Variants in GRIK4 observed in about 807,000 individuals in gnomAD.
GRIK4 encodes the protein glutamate ionotropic receptor kainate type subunit 4.
A neutral mutation model predicts 104.9 loss-of-function variants in GRIK4; 40 were observed. That is an observed-to-expected ratio of 0.38 (90% CI 0.30 to 0.50). GRIK4 has a LOEUF of 0.50. GRIK4 is among the 20% of genes least tolerant of loss of function. GRIK4 has a pLI of 0.93. For synonymous variants in GRIK4, 485 were observed against 524.9 expected, an observed-to-expected ratio of 0.92 and a Z score of 1.04; for missense variants, 1,047 against 1,308.1, an observed-to-expected ratio of 0.80 and a Z score of 3.08.
chr11:120,658,513 G>T (rs1949750167), intron 2 of GRIK4, among the ~76,000 whole-genome samples: 2 of 152,112 alleles, frequency 1.3e-5, no homozygotes, highest in East Asian at 3.9e-4. Context: ...GTTCCAATTT[G>T]TCCACATCCT....
chr11:120,794,525 C>T (rs139709585), intron 3 of GRIK4, among the ~76,000 whole-genome samples: 18 of 151,934 alleles, frequency 1.2e-4, no homozygotes, highest in Admixed American at 3.9e-4. Context: ...AGGTTTGTCC[C>T]GAATCCAGTT....
intron 1 of GRIK4, among the ~76,000 whole-genome samples, chr11:120,546,906 T>C (rs1204021420): frequency 6.6e-6 from 1 of 152,200 alleles, no homozygotes; most frequent in Non-Finnish European, 1.5e-5. Flanking sequence ...ACGGCTTTGC[T>C]TCCTCTCTAA....
intron 13 of GRIK4, among the ~76,000 whole-genome samples, chr11:120,937,658 G>C (rs1045550161): frequency 6.6e-6 from 1 of 152,174 alleles, no homozygotes; most frequent in African/African-American, 2.4e-5. Flanking sequence ...CTGTTTGTAG[G>C]GAAGTGTCAG....
At chr11:120,760,115 C>G (rs1378159858) in intron 3 of GRIK4, among the ~76,000 whole-genome samples, 2 of 151,834 alleles carry the variant, frequency 1.3e-5, no homozygotes, top group East Asian at 3.9e-4. Flanking sequence ...ATTTTGTATT[C>G]TTAGACTTAT....
chr11:120,917,660 C>T (rs1313686243), intron 13 of GRIK4, among the ~76,000 whole-genome samples: 1 of 152,210 alleles, frequency 6.6e-6, no homozygotes, highest in Non-Finnish European at 1.5e-5. Flanking sequence ...TTTCCCCGCC[C>T]ATCCTCAGAT....
chr11:120,536,988 G>T (rs1274138018), intron 1 of GRIK4, among the ~76,000 whole-genome samples: 2 of 152,236 alleles, frequency 1.3e-5, no homozygotes. Context: ...GTGAGCATGT[G>T]CTCTGGGTGC....
At chr11:120,631,539 A>G (rs991006598) in intron 1 of GRIK4, among the ~76,000 whole-genome samples, 10 of 152,146 alleles carry the variant, frequency 6.6e-5, no homozygotes, top group Non-Finnish European at 1.3e-4. Context: ...TAAACTCAGC[A>G]GCGTCCCCCT....
intron 19 of GRIK4, among the ~76,000 whole-genome samples, chr11:120,979,317 A>G (rs183379550): frequency 1.3e-5 from 2 of 152,332 alleles, no homozygotes; most frequent in East Asian, 3.9e-4. Context: ...TAACTTTGCA[A>G]CATTCTTTTG....
chr11:120,868,152 T>G (rs544616607), intron 9 of GRIK4: 1 of 152,158 alleles, frequency 6.6e-6, no homozygotes, highest in African/African-American at 2.4e-5. Context: ...GATATTCTTA[T>G]TTTCATGTCA....
rs1390336483 is a variant in GRIK4, at chr11:120,875,137, A to G, written c.1060-2A>G. 1 of 1,586,088 alleles carries G rather than the reference A, an allele frequency of 6.3e-7. No homozygotes were observed. Among genetic ancestry groups the G allele is most frequent in the Admixed American group, 1.7e-5 (1 of 59,960 alleles). ...TGCTGTAACTCACTCTCTCTTGGAC[A>G]GGTAGAATTGGAAGGTCTTACCGGC... is the stretch of plus-strand genomic sequence containing the variant. On this transcript the variant is annotated splice_acceptor_variant, in intron 10 of 20. Coordinates refer to ENST00000527524, the MANE Select transcript of GRIK4 (RefSeq NM_014619.5). LOFTEE classifies it high-confidence loss of function.
At chr11:120,568,277 T>A (rs1948355726) in intron 1 of GRIK4, among the ~76,000 whole-genome samples, 1 of 152,218 alleles carries the variant, frequency 6.6e-6, no homozygotes, top group Non-Finnish European at 1.5e-5. Context: ...ATAAGACAGT[T>A]TCTCCTGGTA....
At chr11:120,786,130 C>G (rs1230069507) in intron 3 of GRIK4, among the ~76,000 whole-genome samples, 1 of 152,182 alleles carries the variant, frequency 6.6e-6, no homozygotes, top group African/African-American at 2.4e-5. Context: ...CTGGCCCCAT[C>G]ATCATCAGTG....
intron 3 of GRIK4, among the ~76,000 whole-genome samples, chr11:120,787,217 G>A (rs1952297778): frequency 6.6e-6 from 1 of 151,650 alleles, no homozygotes; most frequent in African/African-American, 2.4e-5. Flanking sequence ...TGTGGTCCCA[G>A]CTATTCACGG....
intron 20 of GRIK4, among the ~76,000 whole-genome samples, chr11:120,983,691 C>T (rs190649611): frequency 1.3e-5 from 2 of 152,258 alleles, no homozygotes; most frequent in East Asian, 3.9e-4. Context: ...CTCATTTCTC[C>T]TGCTGTCTCC....
intron 10 of GRIK4, among the ~76,000 whole-genome samples, chr11:120,874,733 T>C (rs887068270): frequency 1.3e-5 from 2 of 152,170 alleles, no homozygotes; most frequent in African/African-American, 2.4e-5. Context: ...GTCTTGGACT[T>C]TGCATTTAGA....
In GRIK4 at chr11:120,960,884, G is replaced by T. The variant is rs772886816; in HGVS notation, c.1875-25G>T. The T allele has an allele frequency of 2.5e-6, 4 of 1,602,840 alleles. No homozygotes were observed. The East Asian group carries it at 9.0e-5, about 36-fold the overall frequency. On this transcript the variant is annotated intron_variant, in intron 16 of 20. Coordinates refer to ENST00000527524, the MANE Select transcript of GRIK4 (RefSeq NM_014619.5). ...CTCCAGGGAGTGCCCGGGCAATGATGACTTCCTCGTCTTTTCCTACATAGG... is the reference window on the plus strand; with the variant it reads ...CTCCAGGGAGTGCCCGGGCAATGATTACTTCCTCGTCTTTTCCTACATAGG...
In GRIK4 at chr11:120,831,924, A is replaced by G. The variant is rs748952173; in HGVS notation, c.584A>G (p.Asp195Gly). 25 of 1,613,736 alleles carry G rather than the reference A, an allele frequency of 1.5e-5. No homozygotes were observed. The highest frequency in any genetic ancestry group is 1.6e-4 in the Middle Eastern group (1 of 6,070). ...SKDTLSVRML[D>G]DTRDPTPLLK... ...GACACGCTGTCCGTCCGCATGCTGG[A>G]TGACACCCGGGACCCCACCCCGCTC... The change falls in exon 7 of 21, where the codon GAT becomes GGT. Residue 195 changes from aspartate (D) to glycine (G), a missense_variant. By Grantham distance (94) the Asp-to-Gly change is moderately conservative. Coordinates refer to ENST00000527524, the MANE Select transcript of GRIK4 (RefSeq NM_014619.5).
chr11:120,660,336 G>C lies in GRIK4; in HGVS notation c.18G>C (p.Ala6=). MPRVS[A]PLVLLPAWLV... is the part of the protein sequence containing the mutation. ...CATAGAAGATGCCCCGCGTCTCGGC[G>C]CCTTTGGTGCTGCTTCCTGCGTGGC... Residue 6 remains alanine, a synonymous_variant, in exon 3 of 21, where the codon GCG becomes GCC. Transcript: ENST00000527524. The C allele has an allele frequency of 6.2e-7, 1 of 1,613,258 alleles. No individual in the cohort carries two copies.
At chr11:120,681,097 G>T (rs900465651) in intron 3 of GRIK4, among the ~76,000 whole-genome samples, 2 of 152,110 alleles carry the variant, frequency 1.3e-5, no homozygotes, top group African/African-American at 4.8e-5. Context: ...ATTCCTCAGT[G>T]CTCTTCCCTT....
Sources: allele counts gnomAD v4.1 joint callset (sites outside exome capture counted in the v4.1 genomes callset), GRCh38; gene constraint gnomAD v4.1.1; transcripts MANE v1.5; gene names NCBI Gene and HGNC (gene_info 2026-07-23, HGNC 2026-07-21).